The following ARHGAP10 variants were observed in gnomAD, a reference collection of about 807,000 sequenced individuals.
The protein encoded by ARHGAP10 is Rho GTPase activating protein 10.
Under a neutral mutation model 108.6 loss-of-function variants are expected in ARHGAP10, and 87 were observed. The observed-to-expected ratio is 0.80, with a 90% CI of 0.67 to 0.96. ARHGAP10 has a LOEUF of 0.96. Ranked by LOEUF, ARHGAP10 falls within the 40% of genes least tolerant of loss-of-function variation. The pLI is 0.00. For synonymous variants in ARHGAP10, 347 were observed against 341.1 expected (o/e 1.02, Z -0.19); for missense variants, 939 against 954.5 (o/e 0.98, Z 0.21).
rs1734497439 is a variant in ARHGAP10 at position 147,865,051 on chromosome 4, G to T, written c.597+95G>T. ...GATTTATGGTTTATAGTTACTAGAG[G>T]CCATAGTGCATAAACATGAAAGAGA... On this transcript the variant is annotated intron_variant, in intron 6 of 22. Coordinates refer to ENST00000336498, the MANE Select transcript of ARHGAP10 (RefSeq NM_024605.4). 1.1e-5 allele frequency: 12 copies of T among 1,046,134 alleles called. No homozygotes were observed. In the South Asian group the frequency reaches 1.9e-4, roughly 16 times the overall value. 64.8% of individuals were successfully genotyped at this position (1,046,134 alleles called of 1,614,324 possible). A position where few individuals can be genotyped will look rare whatever the true frequency, so the allele number is the denominator to read the frequency against.
intron 5 of ARHGAP10, among the ~76,000 whole-genome samples, chr4:147,860,424 A>G (rs1216034016): frequency 6.6e-6 from 1 of 152,064 alleles, no homozygotes; most frequent in Non-Finnish European, 1.5e-5. Context: ...CCTGGGCGAC[A>G]GCTCCGTCTC....
intron 6 of ARHGAP10, chr4:147,866,489 C>G: frequency 2.1e-6 from 1 of 473,936 alleles, no homozygotes; most frequent in Non-Finnish European, 3.7e-6. Context: ...TATAAGCTGT[C>G]TAATGGCTGT....
chr4:147,873,327 A>C (rs967240759), intron 7 of ARHGAP10, among the ~76,000 whole-genome samples: 21 of 152,142 alleles, frequency 1.4e-4, no homozygotes, highest in Non-Finnish European at 2.2e-4. Context: ...GCATGAACAT[A>C]AATAATAGCA....
chr4:147,992,311 C>T (rs948010411), intron 18 of ARHGAP10, among the ~76,000 whole-genome samples: 8 of 152,180 alleles, frequency 5.3e-5, no homozygotes, highest in Admixed American at 2.6e-4. Flanking sequence ...GGTCAAACTT[C>T]CCCCTTCACA....
At chr4:148,037,651 A>G (rs1007907687) in intron 19 of ARHGAP10, among the ~76,000 whole-genome samples, 2 of 152,154 alleles carry the variant, frequency 1.3e-5, no homozygotes, top group African/African-American at 4.8e-5. Flanking sequence ...CCTGGCCAAC[A>G]TGGTGAAACC....
intron 18 of ARHGAP10, among the ~76,000 whole-genome samples, chr4:148,018,043 G>A (rs139527160): frequency 2.0e-3 from 304 of 152,228 alleles, no homozygotes; most frequent in Admixed American, 4.1e-3. Context: ...TAGGAGACCC[G>A]AGTAAGCAAG....
In ARHGAP10 at chr4:147,783,187, A is replaced by G. The variant is rs28445432; in HGVS notation, c.155-39540A>G. 2.6e-4 allele frequency among the ~76,000 whole-genome samples: 38 copies of G among 144,544 alleles called. 1 individual carries two copies. Among genetic ancestry groups the G allele is most frequent in the African/African-American group, 4.7e-4 (19 of 40,120 alleles). 94.8% of individuals were successfully genotyped at this position (144,544 alleles called of 152,430 possible). On this transcript the variant is annotated intron_variant, in intron 1 of 22. Transcript: ENST00000336498. ...TAATTTATATAACACATTAAATTAT[A>G]TATTGTATAATTTATATAACACATT...
chr4:147,918,810 G>A (rs143838623), intron 13 of ARHGAP10, among the ~76,000 whole-genome samples: 2 of 152,360 alleles, frequency 1.3e-5, no homozygotes, highest in East Asian at 3.9e-4. Context: ...ATCTAGTTCT[G>A]TCTGTAGCTC....
chr4:148,035,302 C>G (rs372091802), intron 19 of ARHGAP10, among the ~76,000 whole-genome samples: 33 of 152,166 alleles, frequency 2.2e-4, no homozygotes, highest in African/African-American at 7.0e-4. Flanking sequence ...ATGGCAATTT[C>G]ATTACATCTT....
At chr4:147,776,386 A>C (rs938636587) in intron 1 of ARHGAP10, among the ~76,000 whole-genome samples, 2 of 151,878 alleles carry the variant, frequency 1.3e-5, no homozygotes, top group Non-Finnish European at 2.9e-5. Flanking sequence ...CACCCAGCTA[A>C]TTTTTGTATT....
chr4:148,061,991 G>A (rs1212904108), intron 20 of ARHGAP10, among the ~76,000 whole-genome samples: 1 of 152,168 alleles, frequency 6.6e-6, no homozygotes, highest in African/African-American at 2.4e-5. Context: ...CCAAGGAAGG[G>A]CAAGATTAGA....
intron 10 of ARHGAP10, among the ~76,000 whole-genome samples, chr4:147,883,899 T>TGGCC (rs1735438081): frequency 1.3e-5 from 2 of 152,090 alleles, no homozygotes; most frequent in Non-Finnish European, 2.9e-5. Context: ...TTTGCTATGT[T>TGGCC]GGCCAGGCTG....
rs554385904 is a variant in ARHGAP10 at position 147,902,606 on chromosome 4, T to A, written c.1035-4032T>A. Among the ~76,000 whole-genome samples, 3 of 152,072 alleles carry A rather than the reference T, an allele frequency of 2.0e-5. No individual in the cohort carries two copies. In the East Asian group the frequency reaches 5.8e-4, roughly 29 times the overall value. ...AAATAGAAAAATTAGCTGGGTGTAGTGGCTGTGCACCTGTAGTCCCAGTTA... is the reference window on the plus strand; with the variant it reads ...AAATAGAAAAATTAGCTGGGTGTAGAGGCTGTGCACCTGTAGTCCCAGTTA... On this transcript the variant is annotated intron_variant, in intron 10 of 22. Transcript: ENST00000336498.
chr4:148,035,770 G>C (rs1728351418), intron 19 of ARHGAP10, among the ~76,000 whole-genome samples: 1 of 152,128 alleles, frequency 6.6e-6, no homozygotes, highest in Non-Finnish European at 1.5e-5. Context: ...TTTCCTTAAT[G>C]GGCAGTTGGC....
At chr4:147,938,693 G>C (rs923880563) in intron 13 of ARHGAP10, among the ~76,000 whole-genome samples, 31 of 152,108 alleles carry the variant, frequency 2.0e-4, no homozygotes, top group African/African-American at 7.2e-4. Context: ...GTAAACCCTC[G>C]TGGTCAAATT....
chr4:147,806,411 G>T (rs1026471309), intron 1 of ARHGAP10, among the ~76,000 whole-genome samples: 1 of 147,536 alleles, frequency 6.8e-6, no homozygotes, highest in African/African-American at 2.5e-5. Context: ...TATGAATATT[G>T]TATAATATAT....
At chr4:147,825,605 C>T (rs1236139491) in intron 3 of ARHGAP10, among the ~76,000 whole-genome samples, 2 of 152,144 alleles carry the variant, frequency 1.3e-5, no homozygotes, top group African/African-American at 4.8e-5. Flanking sequence ...CACACACTGA[C>T]AGATACAGTC....
intron 9 of ARHGAP10, among the ~76,000 whole-genome samples, chr4:147,881,062 T>C (rs1189956149): frequency 6.6e-6 from 1 of 151,542 alleles, no homozygotes; most frequent in African/African-American, 2.4e-5. Flanking sequence ...TCACTTGAGG[T>C]CAGGAGTTTG....
chr4:147,750,000 T>C (rs1032944171), intron 1 of ARHGAP10, among the ~76,000 whole-genome samples: 2 of 152,240 alleles, frequency 1.3e-5, no homozygotes, highest in Non-Finnish European at 2.9e-5. Flanking sequence ...TGGCAGTGTT[T>C]ACCTGAGTGT....
Sources: gnomAD v4.1 joint callset for allele counts (sites outside exome capture counted in the v4.1 genomes callset) on GRCh38, gnomAD v4.1.1 for gene constraint, MANE v1.5 for transcripts, NCBI Gene and HGNC (gene_info 2026-07-23, HGNC 2026-07-21) for gene names.